Variants in DEGS2 observed in about 807,000 individuals in gnomAD.
The protein encoded by DEGS2 is delta 4-desaturase, sphingolipid 2.
A neutral mutation model predicts 23.8 loss-of-function variants in DEGS2; 19 were observed. The ratio of observed to expected loss-of-function variants is 0.80; its 90% CI spans 0.56 to 1.17. DEGS2 has a LOEUF of 1.17. DEGS2 is among the 50% of genes most tolerant of loss of function. The pLI, the probability that DEGS2 is intolerant of heterozygous loss-of-function variation, is 0.00. For missense variants in DEGS2, 390 were observed against 459.5 expected (o/e 0.85, Z 1.38); for synonymous variants, 218 against 213.7 (o/e 1.02, Z -0.18).
In DEGS2 at chr14:100,146,217, CCA is replaced by C. The variant is rs1444173670; in HGVS notation, c.*542_*543del. ...GTCCACACCTCAGTGTGTGTGCACACCACAGTGGCAGGCCCTGAGGGAGCACT... is the reference window on the plus strand; with the variant it reads ...GTCCACACCTCAGTGTGTGTGCACACCAGTGGCAGGCCCTGAGGGAGCACT... On this transcript the variant is annotated 3_prime_UTR_variant, in exon 3 of 3. Coordinates refer to ENST00000305631, the MANE Select transcript of DEGS2 (RefSeq NM_206918.3). The C allele has an allele frequency of 6.4e-6, 1 of 156,906 alleles. No homozygotes were observed. The highest frequency in any genetic ancestry group is 1.4e-5 in the Non-Finnish European group (1 of 71,480). The allele number at this position is 156,906 out of a possible 1,614,324, so 9.7% of individuals were successfully genotyped here.
At position 100,149,517 on chromosome 14, in the gene DEGS2, C is replaced by T. The variant is rs376193946; in HGVS notation, c.276G>A (p.Ser92=). 9.4e-6 allele frequency: 15 copies of T among 1,601,942 alleles called. No individual in the cohort carries two copies. Among genetic ancestry groups the T allele is most frequent in the South Asian group, 6.7e-5 (6 of 90,034 alleles). The part of the protein sequence containing the change: ...HSLTLAIHDI[S]HNAAFGTGRA... Reference sequence around the variant, plus strand: ...GGCCCGTGCCGAAGGCCGCGTTGTGCGAGATGTCGTGGATGGCCAGCGTCA... The same window carrying T: ...GGCCCGTGCCGAAGGCCGCGTTGTGTGAGATGTCGTGGATGGCCAGCGTCA... The change falls in exon 2 of 3, where the codon TCG becomes TCA. Residue 92 remains serine, a synonymous_variant. Transcript: ENST00000305631.
At chr14:100,156,433 T>A (rs1420173979) in intron 1 of DEGS2, among the ~76,000 whole-genome samples, 2 of 152,258 alleles carry the variant, frequency 1.3e-5, no homozygotes, top group South Asian at 4.1e-4. Context: ...TCATCGCAGC[T>A]GATACTCATC....
Position 100,146,536 on chromosome 14 carries a change from G to A in DEGS2, c.*225C>T, listed in dbSNP as rs1446972662. 5.2e-6 allele frequency: 3 copies of A among 581,518 alleles called. No homozygotes were observed. Among genetic ancestry groups the A allele is most frequent in the Admixed American group, 3.5e-5 (1 of 28,244 alleles). 36.0% of individuals were successfully genotyped at this position (581,518 alleles called of 1,614,324 possible). A position where few individuals can be genotyped will look rare whatever the true frequency, so the allele number is the denominator to read the frequency against. ...TGGGGCAGGGCCAGGCCTCACCTGG[G>A]GAGGCCCAGAAAGGGAGGGCCACAC... On this transcript the variant is annotated 3_prime_UTR_variant, in exon 3 of 3. Transcript: ENST00000305631.
chr14:100,148,345 C>G (rs1889493030), intron 2 of DEGS2, among the ~76,000 whole-genome samples: 1 of 152,236 alleles, frequency 6.6e-6, no homozygotes, highest in South Asian at 2.1e-4. Flanking sequence ...CTCCCGCCCC[C>G]TTTGCCACAG....
intron 1 of DEGS2, among the ~76,000 whole-genome samples, chr14:100,152,590 C>G (rs1244219795): frequency 6.6e-6 from 1 of 152,212 alleles, no homozygotes; most frequent in East Asian, 1.9e-4. Flanking sequence ...CCCACCACTT[C>G]CCTCTCTTGG....
upstream of DEGS2, among the ~76,000 whole-genome samples, chr14:100,160,356 G>A (rs1264741141): frequency 6.6e-6 from 1 of 152,148 alleles, no homozygotes; most frequent in African/African-American, 2.4e-5. Flanking sequence ...CCAATAGAAG[G>A]AACTTTTGCA....
chr14:100,152,789 C>T (rs1316979022), intron 1 of DEGS2, among the ~76,000 whole-genome samples: 1 of 152,118 alleles, frequency 6.6e-6, no homozygotes, highest in African/African-American at 2.4e-5. Context: ...CCTACTGCCA[C>T]CCCTGGGTCT....
At position 100,149,404 on chromosome 14, in the gene DEGS2, T is replaced by C. The variant is rs1230820099; in HGVS notation, c.389A>G (p.Asp130Gly). The C allele has an allele frequency of 1.2e-6, 2 of 1,603,828 alleles. No homozygotes were observed. The highest frequency in any genetic ancestry group is 8.5e-7 in the Non-Finnish European group (1 of 1,174,192). The part of the protein sequence containing the change: ...YAASFKKYHV[D>G]HHRYLGGDGL... ...GTCGCCGCCCAGGTAGCGGTGGTGG[T>C]CCACGTGGTACTTCTTGAAGGAGGC... The change falls in exon 2 of 3, where the codon GAC becomes GGC. Residue 130 changes from aspartate (D) to glycine (G), a missense_variant. Asp to Gly is a moderately conservative substitution (Grantham distance 94, BLOSUM62 -1). Coordinates refer to ENST00000305631, the MANE Select transcript of DEGS2 (RefSeq NM_206918.3).
In DEGS2 at chr14:100,146,615, G is replaced by T; in HGVS notation, c.*146C>A. 8.4e-7 allele frequency: 1 copy of T among 1,189,786 alleles called. No homozygotes were observed. The highest frequency in any genetic ancestry group is 1.2e-6 in the Non-Finnish European group (1 of 852,246). The allele number at this position is 1,189,786 out of a possible 1,614,324, so 73.7% of individuals were successfully genotyped here. A position where few individuals can be genotyped will look rare whatever the true frequency, so the allele number is the denominator to read the frequency against. On this transcript the variant is annotated 3_prime_UTR_variant, in exon 3 of 3. Coordinates refer to ENST00000305631, the MANE Select transcript of DEGS2 (RefSeq NM_206918.3). ...ACGGAGCCCTGCAGCCCACACTGCT[G>T]TTGCCAGGTGTGGCTGCGCGGGACA...
chr14:100,163,212 C>T (rs1048497886), upstream of DEGS2, among the ~76,000 whole-genome samples: 5 of 151,898 alleles, frequency 3.3e-5, no homozygotes, highest in African/African-American at 9.7e-5. Context: ...GATGCCGAGG[C>T]GGGTGGATTA....
Position 100,149,471 on chromosome 14 carries a change from G to A in DEGS2, c.322C>T (p.Leu108=). 6.3e-7 allele frequency: 1 copy of A among 1,595,624 alleles called. No homozygotes were observed. Among genetic ancestry groups the A allele is most frequent in the Non-Finnish European group, 8.5e-7 (1 of 1,171,174 alleles). The part of the protein sequence containing the change: ...GTGRAARNRW[L]AVFANLPVGV... ...ACGGGCAGGTTGGCGAACACGGCCA[G>A]CCAGCGGTTGCGTGCCGCACGGCCC... Residue 108 remains leucine (L), a synonymous_variant, in exon 2 of 3, where the codon CTG becomes TTG. Coordinates refer to ENST00000305631, the MANE Select transcript of DEGS2 (RefSeq NM_206918.3).
intron 1 of DEGS2, among the ~76,000 whole-genome samples, chr14:100,156,771 C>T (rs1008787390): frequency 8.5e-5 from 13 of 152,286 alleles, no homozygotes; most frequent in East Asian, 1.9e-4. Context: ...CTGAACTGAG[C>T]GAGCAAGGCT....
At chr14:100,157,435 C>T (rs1305761752) in intron 1 of DEGS2, among the ~76,000 whole-genome samples, 1 of 152,212 alleles carries the variant, frequency 6.6e-6, no homozygotes, top group African/African-American at 2.4e-5. Context: ...GAGGCCCCTG[C>T]TCCAGCCTCA....
rs1460285142 is a variant in DEGS2, at chr14:100,145,754, A to AGGAGAAGACAACCTCCTAGGTCG, written c.*984_*1006dup. 6.6e-6 allele frequency: 1 copy of AGGAGAAGACAACCTCCTAGGTCG among 152,414 alleles called. No individual in the cohort carries two copies. Among genetic ancestry groups the AGGAGAAGACAACCTCCTAGGTCG allele is most frequent in the Non-Finnish European group, 1.5e-5 (1 of 68,236 alleles). The allele number at this position is 152,414 out of a possible 1,614,324, so 9.4% of individuals were successfully genotyped here. On this transcript the variant is annotated 3_prime_UTR_variant, in exon 3 of 3. Transcript: ENST00000305631. ...AGGACCCAACCCAGCCCTGCCCTCCAGGAGAAGACAACCTCCTAGGTCGCA... is the reference window on the plus strand; with the variant it reads ...AGGACCCAACCCAGCCCTGCCCTCCAGGAGAAGACAACCTCCTAGGTCGGGAGAAGACAACCTCCTAGGTCGCA...
At chr14:100,165,572 C>G in the DEGS2 span, among the ~76,000 whole-genome samples, 278 of 152,352 alleles carry the variant, frequency 1.8e-3, 1 homozygote, top group African/African-American at 6.4e-3. Context: ...GTAACTGGTT[C>G]CACCGGGCGG....
In DEGS2 at chr14:100,151,729, G is replaced by A. The variant is rs577374651; in HGVS notation, c.83-2019C>T. 1.6e-3 allele frequency among the ~76,000 whole-genome samples: 243 copies of A among 152,324 alleles called. 1 individual carries two copies. The highest frequency in any genetic ancestry group is 6.8e-3 in the Middle Eastern group (2 of 294). ...GCTGGGAGTCCCAACCCACTGGGCA[G>A]AAAGGCCTCACTGAACACCCCAGCC... On this transcript the variant is annotated intron_variant, in intron 1 of 2. Coordinates refer to ENST00000305631, the MANE Select transcript of DEGS2 (RefSeq NM_206918.3).
the DEGS2 span, among the ~76,000 whole-genome samples, chr14:100,166,350 T>A: frequency 0.017 from 313 of 18,494 alleles, 18 homozygotes; most frequent in Admixed American, 0.06. Context: ...TGCCCGGGGC[T>A]GTGGGGGGAG....
At position 100,159,434 on chromosome 14, in the gene DEGS2, C is replaced by T. The variant is rs1889712638; in HGVS notation, c.82+72G>A. 1.9e-5 allele frequency: 23 copies of T among 1,242,214 alleles called. 1 individual carries two copies. In the South Asian group the frequency reaches 3.0e-4, roughly 16 times the overall value. 76.9% of individuals were successfully genotyped at this position (1,242,214 alleles called of 1,614,324 possible). A position where few individuals can be genotyped will look rare whatever the true frequency, so the allele number is the denominator to read the frequency against. The stretch of plus-strand genomic sequence containing the variant: ...AGAGCTGGAGCGGCCCGTCTGGGCT[C>T]GACCCCACGACGCGACTCCAGACGG... On this transcript the variant is annotated intron_variant, in intron 1 of 2. Coordinates refer to ENST00000305631, the MANE Select transcript of DEGS2 (RefSeq NM_206918.3).
At chr14:100,160,468 C>A (rs1213405650), upstream of DEGS2, among the ~76,000 whole-genome samples, 10 of 152,214 alleles carry the variant, frequency 6.6e-5, no homozygotes. Context: ...AAGGCAGAAC[C>A]TGAATGTTCT....
Sources: gnomAD v4.1 joint callset for allele counts (sites outside exome capture counted in the v4.1 genomes callset) on GRCh38, gnomAD v4.1.1 for gene constraint, MANE v1.5 for transcripts, NCBI Gene and HGNC (gene_info 2026-07-23, HGNC 2026-07-21) for gene names.